The following CTNND2 variants were observed in gnomAD, a reference collection of about 807,000 sequenced individuals.
CTNND2 encodes the protein catenin delta 2.
CTNND2 carries 22 observed loss-of-function variants against 144.4 expected under a neutral mutation model. The ratio of observed to expected loss-of-function variants is 0.15; its 90% confidence interval spans 0.11 to 0.22. CTNND2 has a LOEUF of 0.22. CTNND2 is among the 10% of genes least tolerant of loss of function. The pLI is 1.00. For synonymous variants in CTNND2, 751 were observed against 695.6 expected (o/e 1.08, Z -1.25); for missense variants, 1,353 against 1,618.8 (o/e 0.84, Z 2.82).
intron 10 of CTNND2, among the ~76,000 whole-genome samples, chr5:11,217,330 T>A (rs1311851752): frequency 1.3e-5 from 2 of 152,240 alleles, no homozygotes; most frequent in Non-Finnish European, 2.9e-5. Context: ...TTTTGCTTTT[T>A]GTCCTGTTAA....
intron 1 of CTNND2, among the ~76,000 whole-genome samples, chr5:11,786,606 C>A (rs1366939411): frequency 6.6e-6 from 1 of 152,172 alleles, no homozygotes; most frequent in Non-Finnish European, 1.5e-5. Context: ...ATGACAAAGA[C>A]AATGTAAACC....
At chr5:11,764,234 G>A (rs556769694) in intron 1 of CTNND2, among the ~76,000 whole-genome samples, 1 of 152,130 alleles carries the variant, frequency 6.6e-6, no homozygotes, top group African/African-American at 2.4e-5. Context: ...GCAGGGAAAT[G>A]GGTTCTTCTC....
intron 1 of CTNND2, among the ~76,000 whole-genome samples, chr5:11,794,788 G>T (rs923868460): frequency 2.6e-5 from 4 of 152,106 alleles, no homozygotes; most frequent in African/African-American, 9.7e-5. Context: ...AAGCAGATGG[G>T]TTTTCTCCAT....
At chr5:11,895,007 G>A (rs550663635) in intron 1 of CTNND2, among the ~76,000 whole-genome samples, 1 of 152,290 alleles carries the variant, frequency 6.6e-6, no homozygotes, top group African/African-American at 2.4e-5. Flanking sequence ...GGTCCTATGT[G>A]ACCAGAGAGA....
intron 2 of CTNND2, among the ~76,000 whole-genome samples, chr5:11,630,060 T>C (rs532236554): frequency 6.6e-6 from 1 of 152,302 alleles, no homozygotes; most frequent in East Asian, 1.9e-4. Flanking sequence ...TACGTGCATT[T>C]TTGAAAAAGA....
chr5:11,316,439 C>A (rs956592794), intron 9 of CTNND2, among the ~76,000 whole-genome samples: 1 of 149,988 alleles, frequency 6.7e-6, no homozygotes, highest in Admixed American at 6.7e-5. Flanking sequence ...TTGGGGGCTC[C>A]GTGAGGTAGG....
intron 1 of CTNND2, among the ~76,000 whole-genome samples, chr5:11,888,598 T>C (rs1197004803): frequency 6.6e-6 from 1 of 152,160 alleles, no homozygotes; most frequent in Non-Finnish European, 1.5e-5. Context: ...AATCAGCTCC[T>C]CCATTGAGGA....
At chr5:11,117,854 A>G (rs531016559) in intron 12 of CTNND2, among the ~76,000 whole-genome samples, 6 of 152,302 alleles carry the variant, frequency 3.9e-5, no homozygotes, top group African/African-American at 1.2e-4. Context: ...ACCTTCAGAA[A>G]GTCTTCTAGG....
At chr5:11,068,653 C>T (rs959229383) in intron 16 of CTNND2, among the ~76,000 whole-genome samples, 11 of 152,312 alleles carry the variant, frequency 7.2e-5, no homozygotes, top group East Asian at 3.9e-4. Context: ...CGGTGGCTCA[C>T]GCCTGTAATC....
intron 1 of CTNND2, among the ~76,000 whole-genome samples, chr5:11,752,731 T>C (rs1788698173): frequency 1.3e-5 from 2 of 151,832 alleles, no homozygotes; most frequent in African/African-American, 4.8e-5. Flanking sequence ...CAGAATGTCA[T>C]TGGTGGTTTG....
chr5:11,896,819 T>C (rs1430408286), intron 1 of CTNND2, among the ~76,000 whole-genome samples: 1 of 152,180 alleles, frequency 6.6e-6, no homozygotes, highest in African/African-American at 2.4e-5. Context: ...GTATTATGAA[T>C]AGTTCTCATA....
chr5:11,354,389 A>G (rs1561267076), intron 8 of CTNND2, among the ~76,000 whole-genome samples: 2 of 152,232 alleles, frequency 1.3e-5, no homozygotes. Flanking sequence ...TAAGTGTTCA[A>G]ACAAAATACC....
At chr5:11,547,245 G>GCTGT (rs371485923) in intron 3 of CTNND2, among the ~76,000 whole-genome samples, 1,681 of 151,008 alleles carry the variant, frequency 0.011, 20 homozygotes, top group South Asian at 0.016. Flanking sequence ...TCTGGCCTGG[G>GCTGT]CGACAGTGTG....
chr5:11,814,409 A>G (rs1282751210), intron 1 of CTNND2, among the ~76,000 whole-genome samples: 1 of 152,264 alleles, frequency 6.6e-6, no homozygotes, highest in Non-Finnish European at 1.5e-5. Flanking sequence ...GATATCACTG[A>G]TGGACGTATT....
intron 3 of CTNND2, among the ~76,000 whole-genome samples, chr5:11,554,568 AC>A (rs1776052788): frequency 6.6e-6 from 1 of 152,214 alleles, no homozygotes; most frequent in Non-Finnish European, 1.5e-5. Context: ...TAAAGGGTTA[AC>A]GAGGATGACA....
chr5:11,528,135 C>CT (rs1361057761), intron 3 of CTNND2, among the ~76,000 whole-genome samples: 1 of 152,174 alleles, frequency 6.6e-6, no homozygotes, highest in Non-Finnish European at 1.5e-5. Flanking sequence ...GCCTGGGAAT[C>CT]TCATACAGGG....
chr5:11,535,389 T>C (rs1263240655), intron 3 of CTNND2, among the ~76,000 whole-genome samples: 2 of 152,316 alleles, frequency 1.3e-5, no homozygotes, highest in East Asian at 1.9e-4. Flanking sequence ...CTCTCTCTTG[T>C]GGATGTTAGC....
chr5:11,015,549 AC>A (rs1374260750), intron 18 of CTNND2, among the ~76,000 whole-genome samples: 1 of 152,200 alleles, frequency 6.6e-6, no homozygotes, highest in African/African-American at 2.4e-5. Context: ...ATGGAAATAG[AC>A]AGACAATTAT....
At chr5:11,220,297 A>G (rs1739657618) in intron 10 of CTNND2, among the ~76,000 whole-genome samples, 1 of 152,208 alleles carries the variant, frequency 6.6e-6, no homozygotes. Flanking sequence ...CTGGCTTAAA[A>G]GCCCCATAGA....
Sources: gnomAD v4.1 joint callset for allele counts (sites outside exome capture counted in the v4.1 genomes callset) on GRCh38, gnomAD v4.1.1 for gene constraint, MANE v1.5 for transcripts, NCBI Gene and HGNC (gene_info 2026-07-23, HGNC 2026-07-21) for gene names.